ZNF248: variants seen among roughly 807,000 people sequenced by gnomAD.
ZNF248 encodes KRAB protein domain.
In ZNF248, 20 loss-of-function variants were observed where a neutral mutation model predicts 44.3. That is an observed-to-expected ratio of 0.45 (90% CI 0.32 to 0.66). ZNF248 has a LOEUF of 0.66. Ranked by LOEUF, ZNF248 falls within the 30% of genes least tolerant of loss-of-function variation. ZNF248 has a pLI of 0.04. For missense variants in ZNF248, 654 were observed against 677.0 expected (o/e 0.97, Z 0.38); for synonymous variants, 224 against 229.0 (o/e 0.98, Z 0.20).
chr10:37,821,132 T>C (rs2053394985), intron 6 of ZNF248: 3 of 519,714 alleles, frequency 5.8e-6, no homozygotes, highest in Non-Finnish European at 6.8e-6. Context: ...ACTTTTTATA[T>C]TTATTGCCCC....
chr10:37,758,626 C>T, the ZNF248 span, among the ~76,000 whole-genome samples: 2 of 152,328 alleles, frequency 1.3e-5, no homozygotes, highest in South Asian at 2.1e-4. Flanking sequence ...ATTCTATTTT[C>T]TCCCCTATAT....
intron 5 of ZNF248, among the ~76,000 whole-genome samples, chr10:37,836,492 C>T (rs1322119540): frequency 6.6e-6 from 1 of 152,172 alleles, no homozygotes; most frequent in Non-Finnish European, 1.5e-5. Flanking sequence ...TAAGAACACA[C>T]CTGTCTAAGA....
intron 6 of ZNF248, chr10:37,818,722 T>C (rs2052971388): frequency 3.3e-6 from 2 of 597,024 alleles, no homozygotes; most frequent in Non-Finnish European, 6.1e-6. Flanking sequence ...ACAGGCCAGT[T>C]GCTGGGCATC....
intron 3 of ZNF248, among the ~76,000 whole-genome samples, chr10:37,848,491 G>A (rs936212111): frequency 2.0e-5 from 3 of 151,654 alleles, no homozygotes; most frequent in African/African-American, 7.3e-5. Context: ...GCTGAGGCAG[G>A]AGAATCGCTT....
At chr10:37,815,526 T>C (rs2052305084) in intron 6 of ZNF248, among the ~76,000 whole-genome samples, 1 of 152,082 alleles carries the variant, frequency 6.6e-6, no homozygotes, top group South Asian at 2.1e-4. Context: ...TTCCATTTTG[T>C]TTATAGTTTT....
chr10:37,851,681 G>C (rs1370184051), intron 3 of ZNF248, among the ~76,000 whole-genome samples: 1 of 141,144 alleles, frequency 7.1e-6, no homozygotes, highest in Non-Finnish European at 1.5e-5. Flanking sequence ...TTTCAATGAA[G>C]AGAATATACA....
chr10:37,773,243 T>TA (rs2046340320), downstream of ZNF248, among the ~76,000 whole-genome samples: 1 of 152,114 alleles, frequency 6.6e-6, no homozygotes, highest in African/African-American at 2.4e-5. Context: ...AGACTCCGTC[T>TA]AAAAAATAAA....
In ZNF248 at chr10:37,787,270, C is replaced by T. The variant is rs563285321; in HGVS notation, c.331-10695G>A. Among the ~76,000 whole-genome samples, 31 of 151,986 alleles carry T rather than the reference C, an allele frequency of 2.0e-4. 2 individuals carry two copies. The South Asian group carries it at 6.4e-3, about 32-fold the overall frequency. On this transcript the variant is annotated intron_variant, in intron 6 of 6. Coordinates refer to the ZNF248 transcript ENST00000615949. ...CTCCAGCCTGGGTGACAGAGCAAGA[C>T]TCTATCTCAAAACAAAAAAAATAAT...
chr10:37,776,929 T>C (rs1054711139), intron 6 of ZNF248, among the ~76,000 whole-genome samples: 4 of 152,244 alleles, frequency 2.6e-5, no homozygotes, highest in African/African-American at 9.6e-5. Context: ...CACATAAAGA[T>C]TGTTGTAAGG....
Position 37,829,346 on chromosome 10 carries a change from A to T in ZNF248, c.*2269T>A. ...CCTTGTTTCTGGCCCACACCACTGTAATCAGTCTGCCATTAAAATATTTTT... is the reference window on the plus strand; with the variant it reads ...CCTTGTTTCTGGCCCACACCACTGTTATCAGTCTGCCATTAAAATATTTTT... On this transcript the variant is annotated 3_prime_UTR_variant, in exon 6 of 6. Coordinates refer to ENST00000395867, the MANE Select transcript of ZNF248 (RefSeq NM_021045.3). 5.1e-6 allele frequency: 5 copies of T among 985,446 alleles called. No individual in the cohort carries two copies. Among genetic ancestry groups the T allele is most frequent in the Non-Finnish European group, 6.0e-6 (5 of 829,938 alleles). 61.0% of individuals were successfully genotyped at this position (985,446 alleles called of 1,614,324 possible).
chr10:37,825,276 G>C (rs2054196626), downstream of ZNF248, among the ~76,000 whole-genome samples: 1 of 152,086 alleles, frequency 6.6e-6, no homozygotes, highest in Admixed American at 6.5e-5. Flanking sequence ...CCAACATTAA[G>C]AAAGTGAAGG....
At chr10:37,823,500 AAAT>A (rs2053841328) in intron 6 of ZNF248, among the ~76,000 whole-genome samples, 1 of 152,108 alleles carries the variant, frequency 6.6e-6, no homozygotes, top group Non-Finnish European at 1.5e-5. Context: ...ATTTTATGTG[AAAT>A]AATGAGGGGG....
At chr10:37,823,282 C>T (rs1444880162) in intron 6 of ZNF248, among the ~76,000 whole-genome samples, 6 of 132,396 alleles carry the variant, frequency 4.5e-5, no homozygotes, top group South Asian at 2.5e-4. Flanking sequence ...TGCAGTGATC[C>T]GAGATTGCGC....
the ZNF248 span, among the ~76,000 whole-genome samples, chr10:37,766,224 C>T: frequency 6.6e-6 from 1 of 152,248 alleles, no homozygotes; most frequent in Non-Finnish European, 1.5e-5. Context: ...CCTCTGCAGA[C>T]TTAAATGTCC....
chr10:37,842,581 T>G (rs1390194903), intron 3 of ZNF248, among the ~76,000 whole-genome samples: 2 of 152,174 alleles, frequency 1.3e-5, no homozygotes, highest in African/African-American at 4.8e-5. Context: ...GAATTGCTTA[T>G]CTGTTCCAAC....
At chr10:37,777,668 A>G (rs958002295) in intron 6 of ZNF248, among the ~76,000 whole-genome samples, 7 of 141,330 alleles carry the variant, frequency 5.0e-5, no homozygotes, top group Non-Finnish European at 7.7e-5. Flanking sequence ...TATATCTCCC[A>G]ATGCTATCCC....
rs919199205 is a variant in ZNF248 at position 37,857,310 on chromosome 10, T to C, written c.-251A>G. 3 of 152,288 alleles carry C rather than the reference T, an allele frequency of 2.0e-5. No individual in the cohort carries two copies. Among genetic ancestry groups the C allele is most frequent in the Admixed American group, 1.3e-4 (2 of 15,276 alleles). The allele number at this position is 152,288 out of a possible 1,614,324, so 9.4% of individuals were successfully genotyped here. On this transcript the variant is annotated 5_prime_UTR_variant, in exon 1 of 6. Coordinates refer to ENST00000395867, the MANE Select transcript of ZNF248 (RefSeq NM_021045.3). The stretch of plus-strand genomic sequence containing the variant: ...GAAACGTGTAAATAATTACTTGGGA[T>C]AGGAGGGCGGTCAGAGCCAGCAGGG...
At chr10:37,857,006 T>A (rs2061408566) in intron 1 of ZNF248, 179 bp downstream of exon 1, 1 of 152,324 alleles carries the variant, frequency 6.6e-6, no homozygotes, top group Non-Finnish European at 1.5e-5. Flanking sequence ...CCGGCGGGGA[T>A]ATCAGGCCAA....
chr10:37,844,732 A>T lies in ZNF248; in HGVS notation c.16-6621T>A, dbSNP rs538253782. Among the ~76,000 whole-genome samples the T allele has an allele frequency of 8.3e-4, 126 of 152,316 alleles. 1 individual carries two copies. Among genetic ancestry groups the T allele is most frequent in the Middle Eastern group, 3.4e-3 (1 of 294 alleles). ...TAAACACCAACAAAATATCTTAAAA[A>T]ATACAGGAAAGGAAATGGGAAGTAA... On this transcript the variant is annotated intron_variant, in intron 3 of 5. Coordinates refer to ENST00000395867, the MANE Select transcript of ZNF248 (RefSeq NM_021045.3).
Sources: gnomAD v4.1 joint callset for allele counts (sites outside exome capture counted in the v4.1 genomes callset) on GRCh38, gnomAD v4.1.1 for gene constraint, MANE v1.5 for transcripts, NCBI Gene and HGNC (gene_info 2026-07-23, HGNC 2026-07-21) for gene names.